Variants in KLHL29 observed in about 807,000 individuals in gnomAD.
KLHL29 encodes the protein kelch-like protein 29.
In KLHL29, 21 loss-of-function variants were observed where a neutral mutation model predicts 80.4. That is an observed-to-expected ratio of 0.26 (90% CI 0.19 to 0.38). KLHL29 has a LOEUF of 0.38. Among genes scored for constraint, KLHL29 ranks in the 10% least tolerant of loss-of-function variants. The pLI is 1.00. For synonymous variants in KLHL29, 511 were observed against 526.8 expected, an observed-to-expected ratio of 0.97 and a Z score of 0.41; for missense variants, 867 against 1,223.9, an observed-to-expected ratio of 0.71 and a Z score of 4.35.
At chr2:23,581,425 A>C (rs1667977499) in intron 3 of KLHL29, among the ~76,000 whole-genome samples, 1 of 152,118 alleles carries the variant, frequency 6.6e-6, no homozygotes, top group African/African-American at 2.4e-5. Flanking sequence ...CCCTAATGTC[A>C]ATGACTCCAC....
intron 1 of KLHL29, among the ~76,000 whole-genome samples, chr2:23,440,634 A>G (rs1392805935): frequency 6.6e-6 from 1 of 151,146 alleles, no homozygotes; most frequent in East Asian, 1.9e-4. Context: ...ATTTACAAGA[A>G]AAAAACAAAC....
intron 1 of KLHL29, among the ~76,000 whole-genome samples, chr2:23,448,901 A>C (rs1663784731): frequency 6.6e-6 from 1 of 152,092 alleles, no homozygotes; most frequent in South Asian, 2.1e-4. Context: ...TCTTAAACAC[A>C]TCTAGAACCT....
At chr2:23,657,557 G>A (rs930363030) in intron 5 of KLHL29, among the ~76,000 whole-genome samples, 9 of 152,184 alleles carry the variant, frequency 5.9e-5, no homozygotes, top group Non-Finnish European at 1.0e-4. Flanking sequence ...GTATAAATAT[G>A]CAGAAATCCC....
chr2:23,558,185 T>G (rs964988827), intron 2 of KLHL29, among the ~76,000 whole-genome samples: 2 of 130,776 alleles, frequency 1.5e-5, no homozygotes, highest in Non-Finnish European at 3.6e-5. Context: ...AAAGAGGACA[T>G]ACTGTGGTGA....
chr2:23,665,945 A>T (rs1670540899), intron 5 of KLHL29, among the ~76,000 whole-genome samples: 1 of 152,232 alleles, frequency 6.6e-6, no homozygotes, highest in Non-Finnish European at 1.5e-5. Context: ...TCCAAATATG[A>T]GCTGTATGCT....
intron 1 of KLHL29, among the ~76,000 whole-genome samples, chr2:23,420,574 C>T (rs1275629017): frequency 6.6e-6 from 1 of 152,208 alleles, no homozygotes; most frequent in Non-Finnish European, 1.5e-5. Context: ...TTCCTGATGT[C>T]AACTGATAGA....
chr2:23,423,173 C>T (rs1331016952), intron 1 of KLHL29, among the ~76,000 whole-genome samples: 1 of 152,236 alleles, frequency 6.6e-6, no homozygotes, highest in Non-Finnish European at 1.5e-5. Context: ...GTGTTTTTCA[C>T]TCATCCGCTT....
intron 1 of KLHL29, among the ~76,000 whole-genome samples, chr2:23,400,619 A>G (rs1422263456): frequency 6.6e-6 from 1 of 152,104 alleles, no homozygotes; most frequent in African/African-American, 2.4e-5. Context: ...GCTTGAAACC[A>G]GGAGTTAATA....
At chr2:23,612,317 A>G (rs764359448) in intron 3 of KLHL29, among the ~76,000 whole-genome samples, 10 of 152,354 alleles carry the variant, frequency 6.6e-5, no homozygotes, top group Non-Finnish European at 1.5e-5. Flanking sequence ...GTCAGAAGTC[A>G]ATGGTGTGAT....
At chr2:23,405,311 C>T (rs887820076) in intron 1 of KLHL29, among the ~76,000 whole-genome samples, 8 of 151,750 alleles carry the variant, frequency 5.3e-5, no homozygotes, top group Admixed American at 2.0e-4. Flanking sequence ...TGATGGAAAC[C>T]GGGGAATTGA....
At chr2:23,401,410 C>T (rs182206585) in intron 1 of KLHL29, among the ~76,000 whole-genome samples, 149 of 152,342 alleles carry the variant, frequency 9.8e-4, no homozygotes, top group Non-Finnish European at 1.9e-3. Context: ...GAGAGGTAAG[C>T]TTGCAAGGCC....
chr2:23,660,289 G>T (rs148694518), intron 5 of KLHL29, among the ~76,000 whole-genome samples: 1 of 152,310 alleles, frequency 6.6e-6, no homozygotes, highest in Non-Finnish European at 1.5e-5. Context: ...GGTGGCTTAG[G>T]TCACCTCAGC....
At position 23,472,690 on chromosome 2, in the gene KLHL29, G is replaced by T. The variant is rs1462984237; in HGVS notation, c.-153-2870G>T. ...AAATATGACCATTATGTGTCCTGGG[G>T]TTACTCTTCTCGAGTAGTATCTTTG... On this transcript the variant is annotated intron_variant, in intron 1 of 13. Coordinates refer to ENST00000486442, the MANE Select transcript of KLHL29 (RefSeq NM_052920.2). Among the ~76,000 whole-genome samples, 4 of 152,090 alleles carry T rather than the reference G, an allele frequency of 2.6e-5. No individual in the cohort carries two copies. The South Asian group carries it at 6.2e-4, about 24-fold the overall frequency.
Position 23,688,765 on chromosome 2 carries a change from C to G in KLHL29, c.1080-2909C>G, listed in dbSNP as rs577821596. 3.9e-5 allele frequency: 6 copies of G among 152,504 alleles called. No homozygotes were observed. In the East Asian group the frequency reaches 1.2e-3, roughly 29 times the overall value. 9.4% of individuals were successfully genotyped at this position (152,504 alleles called of 1,614,324 possible). On this transcript the variant is annotated intron_variant, in intron 6 of 13. Coordinates refer to ENST00000486442, the MANE Select transcript of KLHL29 (RefSeq NM_052920.2). ...GCCCGTCTGCCCTGCTGCAGTCCCT[C>G]CAAAGCCACATCATGACCTGATGGG...
chr2:23,627,938 G>T (rs1457757237), intron 3 of KLHL29, among the ~76,000 whole-genome samples: 1 of 129,660 alleles, frequency 7.7e-6, no homozygotes, highest in African/African-American at 3.0e-5. Flanking sequence ...ATGGAGTCTC[G>T]CTCTTGTCAC....
At chr2:23,437,962 TG>T (rs150875373) in intron 1 of KLHL29, among the ~76,000 whole-genome samples, 39,251 of 152,016 alleles carry the variant, frequency 0.26, 6,299 homozygotes, top group Admixed American at 0.35. Flanking sequence ...TTCTTCCATT[TG>T]TTTGTATCCT....
At chr2:23,525,574 A>T (rs1230356176) in intron 2 of KLHL29, among the ~76,000 whole-genome samples, 1 of 152,052 alleles carries the variant, frequency 6.6e-6, no homozygotes, top group Non-Finnish European at 1.5e-5. Flanking sequence ...AGTGGGATGG[A>T]GCTAAGGGGG....
intron 3 of KLHL29, among the ~76,000 whole-genome samples, chr2:23,605,105 T>G (rs1668671569): frequency 7.1e-6 from 1 of 140,938 alleles, no homozygotes; most frequent in Non-Finnish European, 1.5e-5. Context: ...TTTCCTTTGT[T>G]GCTTTTTTTT....
At chr2:23,584,896 C>G (rs1668079662) in intron 3 of KLHL29, among the ~76,000 whole-genome samples, 1 of 152,136 alleles carries the variant, frequency 6.6e-6, no homozygotes, top group Non-Finnish European at 1.5e-5. Context: ...GCCACCATGC[C>G]CAGCTAATTT....
Sources: allele counts gnomAD v4.1 joint callset (sites outside exome capture counted in the v4.1 genomes callset), GRCh38; gene constraint gnomAD v4.1.1; transcripts MANE v1.5; gene names NCBI Gene and HGNC (gene_info 2026-07-23, HGNC 2026-07-21).